The following ABCB4 variants were observed in gnomAD, a reference collection of about 807,000 sequenced individuals.
ABCB4 encodes phosphatidylcholine translocator ABCB4.
A neutral mutation model predicts 145.7 loss-of-function variants in ABCB4; 76 were observed. That is an observed-to-expected ratio of 0.52 (90% CI 0.43 to 0.63). The LOEUF (loss-of-function observed/expected upper bound fraction) is 0.63. Ranked by LOEUF, ABCB4 falls within the 30% of genes least tolerant of loss-of-function variation. The probability of loss-of-function intolerance (pLI) is 0.00; values close to 1 mark genes in which losing one functional copy is unlikely to be tolerated. For missense variants in ABCB4, 1,234 were observed against 1,553.1 expected (o/e 0.79, Z 3.45); for synonymous variants, 517 against 566.8 (o/e 0.91, Z 1.25).
Position 87,462,773 on chromosome 7 carries a change from T to C in ABCB4, c.271A>G (p.Asn91Asp). Residue 91 changes from asparagine to aspartate, a missense_variant, in exon 4 of 28, where the codon AAC (asparagine) becomes GAC (aspartate). Around this residue, in one of 7 missense-constraint regions of ABCB4, gnomAD observed 467 missense variants for 632.8 expected, o/e 0.74. Transcript: ENST00000649586. ...AAATGCTTACCTGGAAAGGAGAAGTTTCCTGCAGTATCAACAAATTTGTCA... is the reference window on the plus strand; with the variant it reads ...AAATGCTTACCTGGAAAGGAGAAGTCTCCTGCAGTATCAACAAATTTGTCA... ...MTDKFVDTAG[N>D]FSFPVNFSLS... The C allele has an allele frequency of 2.5e-6, 4 of 1,614,032 alleles. No individual in the cohort carries two copies. Among genetic ancestry groups the C allele is most frequent in the Non-Finnish European group, 3.4e-6 (4 of 1,179,936 alleles).
chr7:87,421,830 T>C (rs1402228167), intron 18 of ABCB4, among the ~76,000 whole-genome samples: 1 of 152,248 alleles, frequency 6.6e-6, no homozygotes, highest in Non-Finnish European at 1.5e-5. Context: ...GACTGTACTT[T>C]CCCAGTTCCC....
At chr7:87,466,594 T>C (rs1330543882) in intron 3 of ABCB4, among the ~76,000 whole-genome samples, 2 of 152,080 alleles carry the variant, frequency 1.3e-5, no homozygotes, top group South Asian at 2.1e-4. Context: ...AGAAACATAA[T>C]TGTCAGATTC....
chr7:87,443,254 C>A (rs2116713792), intron 12 of ABCB4, 65 bp downstream of exon 12: 1 of 1,609,858 alleles, frequency 6.2e-7, no homozygotes, highest in East Asian at 2.2e-5. Context: ...TACTGAAAAA[C>A]CAATTTCAAA....
Position 87,402,206 on chromosome 7 carries a change from C to T in ABCB4, c.3730G>A (p.Val1244Met). ...STIQNADLIV[V>M]FQNGRVKEHG... is the part of the protein sequence containing the mutation. ...TCCTTGACTCTCCCATTCTGAAACACCACTATTAAGTCTGCATTCTGGATG... is the reference window on the plus strand; with the variant it reads ...TCCTTGACTCTCCCATTCTGAAACATCACTATTAAGTCTGCATTCTGGATG... Residue 1244 changes from valine (V) to methionine (M), a missense_variant, in exon 28 of 28, where the codon GTG becomes ATG. By Grantham distance (21) the Val-to-Met change is conservative (BLOSUM62 1). Coordinates refer to ENST00000649586, the MANE Select transcript of ABCB4 (RefSeq NM_000443.4). 1 of 1,614,114 alleles carries T rather than the reference C, an allele frequency of 6.2e-7. No individual in the cohort carries two copies. Among genetic ancestry groups the T allele is most frequent in the Non-Finnish European group, 8.5e-7 (1 of 1,180,004 alleles).
At chr7:87,402,690 A>G (rs1807879301) in intron 27 of ABCB4, among the ~76,000 whole-genome samples, 1 of 152,220 alleles carries the variant, frequency 6.6e-6, no homozygotes, top group Non-Finnish European at 1.5e-5. Flanking sequence ...TTAGAATAAA[A>G]TATTCCATTA....
At chr7:87,454,482 G>A in intron 5 of ABCB4, 53 bp downstream of exon 5, 11 of 1,344,030 alleles carry the variant, frequency 8.2e-6, no homozygotes, top group Non-Finnish European at 1.2e-5. Flanking sequence ...CTCTGTAATT[G>A]GAAATTATCT....
Position 87,431,493 on chromosome 7 carries a change from C to G in ABCB4, c.1804G>C (p.Gly602Arg), listed in dbSNP as rs1239904233. ...STVRNADVIA[G>R]FEDGVIVEQG... Reference sequence around the variant, plus strand: ...TCCACAATTACTCCATCCTCAAACCCAGCGATGACATCTGCATTTCGGACC... The same window carrying G: ...TCCACAATTACTCCATCCTCAAACCGAGCGATGACATCTGCATTTCGGACC... Residue 602 changes from glycine (G) to arginine (R), a missense_variant, in exon 15 of 28, where the codon GGG becomes CGG. Coordinates refer to ENST00000649586, the MANE Select transcript of ABCB4 (RefSeq NM_000443.4). 6.2e-7 allele frequency: 1 copy of G among 1,614,112 alleles called. No individual in the cohort carries two copies. Among genetic ancestry groups the G allele is most frequent in the Non-Finnish European group, 8.5e-7 (1 of 1,180,002 alleles).
chr7:87,388,751 G>A, the ABCB4 span, among the ~76,000 whole-genome samples: 3 of 152,106 alleles, frequency 2.0e-5, no homozygotes, highest in African/African-American at 7.2e-5. Context: ...AAAATCAATG[G>A]CAACAAAAGC....
chr7:87,377,629 G>A, the ABCB4 span, among the ~76,000 whole-genome samples: 1 of 152,136 alleles, frequency 6.6e-6, no homozygotes, highest in Admixed American at 6.5e-5. Flanking sequence ...ATTTTCTTCT[G>A]TAGTAAGGCC....
the ABCB4 span, among the ~76,000 whole-genome samples, chr7:87,395,147 G>T: frequency 6.6e-6 from 1 of 152,164 alleles, no homozygotes; most frequent in Non-Finnish European, 1.5e-5. Context: ...GCAAGCTGAG[G>T]GGCAAGAAAG....
At chr7:87,414,263 G>A (rs1808820987) in intron 21 of ABCB4, among the ~76,000 whole-genome samples, 1 of 152,196 alleles carries the variant, frequency 6.6e-6, no homozygotes, top group Admixed American at 6.5e-5. Context: ...ACTAATCTGG[G>A]TCAATCAGAT....
chr7:87,422,071 C>A (rs775132142), intron 18 of ABCB4, 50 bp downstream of exon 18: 3 of 1,293,424 alleles, frequency 2.3e-6, no homozygotes, highest in South Asian at 2.5e-5. Flanking sequence ...AATTTAATTT[C>A]TCTAATTAAA....
chr7:87,447,171 C>T lies in ABCB4; in HGVS notation c.868G>A (p.Gly290Arg). The T allele has an allele frequency of 6.2e-7, 1 of 1,613,818 alleles. No individual in the cohort carries two copies. Among genetic ancestry groups the T allele is most frequent in the African/African-American group, 1.3e-5 (1 of 75,026 alleles). ...TTTGCTGAAATAGCTTTTTTAATTCCAATCTCTTTGGCATTTTCTAAATGT... is the reference window on the plus strand; with the variant it reads ...TTTGCTGAAATAGCTTTTTTAATTCTAATCTCTTTGGCATTTTCTAAATGT... ...QKHLENAKEIGIKKAISANIS... is the reference protein window; with the variant it reads ...QKHLENAKEIRIKKAISANIS... The change falls in exon 9 of 28, where the codon GGA (glycine) becomes AGA (arginine). Residue 290 changes from glycine to arginine, a missense_variant. Physicochemically the swap from Gly to Arg is moderately radical, Grantham distance 125. Around this residue, in one of 7 missense-constraint regions of ABCB4, gnomAD observed 467 missense variants for 632.8 expected, o/e 0.74. Coordinates refer to ENST00000649586, the MANE Select transcript of ABCB4 (RefSeq NM_000443.4).
intron 14 of ABCB4, 149 bp from the exon 15 acceptor site, chr7:87,431,714 T>A (rs1016504529): frequency 8.8e-7 from 1 of 1,140,002 alleles, no homozygotes; most frequent in Non-Finnish European, 1.3e-6. Context: ...GGCAAAGGCA[T>A]CACTCTTTAT....
chr7:87,426,847 T>C lies in ABCB4; in HGVS notation c.1967A>G (p.Asn656Ser), dbSNP rs1156932323. The C allele has an allele frequency of 6.2e-7, 1 of 1,613,966 alleles. No homozygotes were observed. The highest frequency in any genetic ancestry group is 8.5e-7 in the Non-Finnish European group (1 of 1,179,996). Residue 656 changes from asparagine (N) to serine (S), a missense_variant, in exon 16 of 28, where the codon AAT becomes AGT. Physicochemically the swap from Asn to Ser is conservative, Grantham distance 46. This residue lies in a region of ABCB4 where 321 missense variants were observed against 332.6 expected (regional missense o/e 0.97). Coordinates refer to ENST00000649586, the MANE Select transcript of ABCB4 (RefSeq NM_000443.4). ...DEKAATRMAP[N>S]GWKSRLFRHS... ...CCTAAATAGGCGAGATTTCCAGCCATTTGGGGCCATTCTAGTGGCAGCCTT... is the reference window on the plus strand; with the variant it reads ...CCTAAATAGGCGAGATTTCCAGCCACTTGGGGCCATTCTAGTGGCAGCCTT...
rs1811741717 is a variant in ABCB4, at chr7:87,451,668, C to T, written c.663G>A (p.Met221Ile). The stretch of plus-strand genomic sequence containing the variant: ...AGAGTCCTAGAATAGGGCTGATGGC[C>T]ATTATCACAAGGGTGAGCTTCCATC... ...IRGWKLTLVI[M>I]AISPILGLSA... Residue 221 changes from methionine to isoleucine, a missense_variant, in exon 7 of 28, where the codon ATG becomes ATA. Transcript: ENST00000649586. 6.2e-7 allele frequency: 1 copy of T among 1,613,976 alleles called. No individual in the cohort carries two copies. The highest frequency in any genetic ancestry group is 1.3e-5 in the African/African-American group (1 of 74,886).
At chr7:87,379,545 C>T in the ABCB4 span, among the ~76,000 whole-genome samples, 2 of 152,194 alleles carry the variant, frequency 1.3e-5, no homozygotes, top group Admixed American at 1.3e-4. Context: ...CTGCTGTTCA[C>T]ACAAATTCAA....
chr7:87,436,137 A>G lies in ABCB4; in HGVS notation c.1731+3530T>C, dbSNP rs45542937. On this transcript the variant is annotated intron_variant, in intron 14 of 27. Coordinates refer to ENST00000649586, the MANE Select transcript of ABCB4 (RefSeq NM_000443.4). ...AGGTTTGGGAAGAGAATGATCAGCT[A>G]AAGAATGAGCTACTTGGTTACAAGG... Among the ~76,000 whole-genome samples the G allele has an allele frequency of 5.6e-3, 855 of 152,324 alleles. 13 individuals are homozygous for G. The highest frequency in any genetic ancestry group is 0.019 in the African/African-American group (791 of 41,560).
chr7:87,454,901 G>A (rs1157125216), intron 4 of ABCB4, among the ~76,000 whole-genome samples: 2 of 152,074 alleles, frequency 1.3e-5, no homozygotes, highest in Non-Finnish European at 2.9e-5. Flanking sequence ...AGGCACAGAG[G>A]AGCCACTGAA....
Sources: allele counts gnomAD v4.1 joint callset (sites outside exome capture counted in the v4.1 genomes callset), GRCh38; gene constraint gnomAD v4.1.1; regional missense constraint gnomAD v4.1.1; transcripts MANE v1.5; gene names NCBI Gene and HGNC (gene_info 2026-07-23, HGNC 2026-07-21).